IGSF21: variants seen among roughly 807,000 people sequenced by gnomAD.
IGSF21 encodes the protein immunoglobin superfamily member 21.
IGSF21 carries 28 observed loss-of-function variants against 46.8 expected under a neutral mutation model. The ratio of observed to expected loss-of-function variants is 0.60; its 90% CI spans 0.44 to 0.82. IGSF21 has a LOEUF of 0.82. Ranked by LOEUF, IGSF21 falls within the 40% of genes least tolerant of loss-of-function variation. The pLI is 0.00. For synonymous variants in IGSF21, 284 were observed against 273.6 expected, an observed-to-expected ratio of 1.04 and a Z score of -0.38; for missense variants, 624 against 665.5, an observed-to-expected ratio of 0.94 and a Z score of 0.69.
At chr1:18,207,310 T>C (rs991832452) in intron 1 of IGSF21, among the ~76,000 whole-genome samples, 6 of 152,168 alleles carry the variant, frequency 3.9e-5, no homozygotes, top group African/African-American at 1.2e-4. Flanking sequence ...ATAATCTCCC[T>C]ATCTTAAGGT....
intron 2 of IGSF21, among the ~76,000 whole-genome samples, chr1:18,229,518 G>T (rs1253405414): frequency 1.3e-5 from 2 of 152,150 alleles, no homozygotes; most frequent in Non-Finnish European, 2.9e-5. Flanking sequence ...GCTGTGATCT[G>T]CACTCCTTCT....
chr1:18,373,269 T>C (rs1438629562), intron 6 of IGSF21, among the ~76,000 whole-genome samples: 1 of 152,156 alleles, frequency 6.6e-6, no homozygotes, highest in East Asian at 1.9e-4. Context: ...TCCTGCTCTT[T>C]CTCTACGTCC....
intron 1 of IGSF21, among the ~76,000 whole-genome samples, chr1:18,169,015 C>G (rs2086708465): frequency 6.6e-6 from 1 of 152,224 alleles, no homozygotes; most frequent in Non-Finnish European, 1.5e-5. Context: ...GGTTTGCAGA[C>G]AAGGGCACAG....
chr1:18,192,692 T>C (rs1174098582), intron 1 of IGSF21, among the ~76,000 whole-genome samples: 2 of 152,052 alleles, frequency 1.3e-5, no homozygotes, highest in Admixed American at 6.5e-5. Context: ...AAGGCCTGGG[T>C]TGGCATCGTT....
At chr1:18,297,039 G>T (rs149249810) in intron 3 of IGSF21, among the ~76,000 whole-genome samples, 580 of 152,256 alleles carry the variant, frequency 3.8e-3, no homozygotes, top group Non-Finnish European at 6.7e-3. Flanking sequence ...TCAGCTTAAA[G>T]GTTGCTTCCT....
At chr1:18,275,074 C>T (rs1183353685) in intron 2 of IGSF21, among the ~76,000 whole-genome samples, 2 of 152,030 alleles carry the variant, frequency 1.3e-5, no homozygotes, top group Non-Finnish European at 2.9e-5. Flanking sequence ...AATTGTGTGG[C>T]CCAATGCAGA....
chr1:18,146,849 T>C (rs9329469), intron 1 of IGSF21, among the ~76,000 whole-genome samples: 16,082 of 152,150 alleles, frequency 0.11, 1,453 homozygotes, highest in African/African-American at 0.24. Flanking sequence ...ATGAGGAAAG[T>C]AAGACTCAGA....
At chr1:18,227,829 C>G (rs2084583699) in intron 1 of IGSF21, 69 bp from the exon 2 acceptor site, 1 of 1,129,108 alleles carries the variant, frequency 8.9e-7, no homozygotes, top group African/African-American at 1.5e-5. Flanking sequence ...CTCCCTGGCC[C>G]TGCCCTCATC....
rs2085844506 is a variant in IGSF21 at position 18,341,784 on chromosome 1, T to TG, written c.424+6776dup. Among the ~76,000 whole-genome samples, 3 of 152,294 alleles carry TG rather than the reference T, an allele frequency of 2.0e-5. No individual in the cohort carries two copies. In the South Asian group the frequency reaches 6.2e-4, roughly 32 times the overall value. ...TAGGAAGCCCAGACTCATAAAGTAT[T>TG]GGTACACATTAATAAAATGTTCTAT... On this transcript the variant is annotated intron_variant, in intron 4 of 9. Coordinates refer to ENST00000251296, the MANE Select transcript of IGSF21 (RefSeq NM_032880.5).
chr1:18,258,911 C>G (rs1363902625), intron 2 of IGSF21, among the ~76,000 whole-genome samples: 1 of 152,192 alleles, frequency 6.6e-6, no homozygotes, highest in African/African-American at 2.4e-5. Context: ...GAAAGAGTAA[C>G]CAGGCTTCAG....
In IGSF21 at chr1:18,290,301, C is replaced by T. The variant is rs578023076; in HGVS notation, c.184-1565C>T. Among the ~76,000 whole-genome samples, 19 of 152,288 alleles carry T rather than the reference C, an allele frequency of 1.2e-4. No homozygotes were observed. Among genetic ancestry groups the T allele is most frequent in the Admixed American group, 6.5e-4 (10 of 15,300 alleles). On this transcript the variant is annotated intron_variant, in intron 2 of 9. Transcript: ENST00000251296. The surrounding 1 kb of genome is among the most constrained non-coding windows in gnomAD (Gnocchi z 4.2). ...CTCCCCTCTGCACATGGTCAGAAAG[C>T]GCCAAGCCCTCAGAGGGGAAGAAAG...
intron 1 of IGSF21, among the ~76,000 whole-genome samples, chr1:18,131,388 T>C (rs2086320226): frequency 6.6e-6 from 1 of 152,152 alleles, no homozygotes; most frequent in Non-Finnish European, 1.5e-5. Flanking sequence ...ATGAAGGATG[T>C]GGGAGGCAGT....
intron 1 of IGSF21, among the ~76,000 whole-genome samples, chr1:18,205,569 A>T (rs536856103): frequency 1.2e-3 from 188 of 152,298 alleles, no homozygotes; most frequent in Non-Finnish European, 1.9e-3. Context: ...GAAGGAGGGT[A>T]ATCGCAGAAT....
intron 1 of IGSF21, among the ~76,000 whole-genome samples, chr1:18,141,342 C>A (rs1172797015): frequency 6.6e-6 from 1 of 152,116 alleles, no homozygotes; most frequent in South Asian, 2.1e-4. Flanking sequence ...GTTTTGCCCA[C>A]CTGCCAATGA....
At chr1:18,217,704 C>G (rs977017365) in intron 1 of IGSF21, among the ~76,000 whole-genome samples, 2 of 152,240 alleles carry the variant, frequency 1.3e-5, no homozygotes, top group Non-Finnish European at 1.5e-5. Context: ...CCACTACCCA[C>G]TCCTGTTTTC....
rs1304437486 is a variant in IGSF21 at position 18,115,878 on chromosome 1, AAAGAAAGAAAGAAAGAAAGAAAG to A, written c.70+7684_70+7706del. ...GAAAGAAAGAAAGAAAGAAAGAAAG[AAAGAAAGAAAGAAAGAAAGAAAG>A]AAGGAGAGGGAGGGAGGGAGGGAGG... On this transcript the variant is annotated intron_variant, in intron 1 of 9. Transcript: ENST00000251296. 6.6e-5 allele frequency: 8 copies of A among 121,886 alleles called. 1 individual carries two copies. The highest frequency in any genetic ancestry group is 7.7e-4 in the East Asian group (2 of 2,590). 7.6% of individuals were successfully genotyped at this position (121,886 alleles called of 1,614,324 possible). A position where few individuals can be genotyped will look rare whatever the true frequency, so the allele number is the denominator to read the frequency against.
intron 3 of IGSF21, among the ~76,000 whole-genome samples, chr1:18,306,910 G>C (rs1279065708): frequency 6.6e-6 from 1 of 152,216 alleles, no homozygotes; most frequent in Non-Finnish European, 1.5e-5. Flanking sequence ...GGGTGACCAG[G>C]CTCCAGGCAC....
chr1:18,309,342 G>A (rs936303338), intron 3 of IGSF21, among the ~76,000 whole-genome samples: 1 of 152,118 alleles, frequency 6.6e-6, no homozygotes, highest in Non-Finnish European at 1.5e-5. Flanking sequence ...GCACTTACAT[G>A]TGAGAACTCA....
intron 4 of IGSF21, among the ~76,000 whole-genome samples, chr1:18,340,348 C>T (rs1382206224): frequency 6.6e-6 from 1 of 152,052 alleles, no homozygotes; most frequent in Non-Finnish European, 1.5e-5. Context: ...CAGGAAAAAC[C>T]CATCAGGGAT....
Sources: allele counts gnomAD v4.1 joint callset (sites outside exome capture counted in the v4.1 genomes callset), GRCh38; gene constraint gnomAD v4.1.1; non-coding constraint Gnocchi (gnomAD v3.1); transcripts MANE v1.5; gene names NCBI Gene and HGNC (gene_info 2026-07-23, HGNC 2026-07-21).